TECTB: variants seen among roughly 807,000 people sequenced by gnomAD.
The protein encoded by TECTB is tectorin beta.
A neutral mutation model predicts 43.3 loss-of-function variants in TECTB; 45 were observed. The ratio of observed to expected loss-of-function variants is 1.04; its 90% CI spans 0.82 to 1.33. The LOEUF (loss-of-function observed/expected upper bound fraction) is 1.33. TECTB is among the 40% of genes most tolerant of loss of function. TECTB has a pLI of 0.00. For missense variants in TECTB, 399 were observed against 404.7 expected (o/e 0.99, Z 0.12); for synonymous variants, 169 against 156.7 (o/e 1.08, Z -0.59).
At chr10:112,301,118 T>C (rs1275841900) in intron 9 of TECTB, among the ~76,000 whole-genome samples, 4 of 152,244 alleles carry the variant, frequency 2.6e-5, no homozygotes, top group African/African-American at 4.8e-5. Context: ...TTTCGTGACA[T>C]GTAGAAATTA....
intron 9 of TECTB, 94 bp downstream of exon 9, chr10:112,299,658 T>G: frequency 7.1e-7 from 1 of 1,416,488 alleles, no homozygotes; most frequent in Non-Finnish European, 9.9e-7. Flanking sequence ...TTTACTGAAT[T>G]GCCAAACCAG....
At chr10:112,293,046 T>G (rs1035658578) in intron 5 of TECTB, among the ~76,000 whole-genome samples, 4 of 152,336 alleles carry the variant, frequency 2.6e-5, no homozygotes, top group African/African-American at 9.6e-5. Flanking sequence ...ATCTTCCTTA[T>G]CCCACTCTGC....
chr10:112,301,998 G>T, intron 9 of TECTB, 103 bp from the exon 10 acceptor site: 1 of 1,391,002 alleles, frequency 7.2e-7, no homozygotes, highest in Non-Finnish European at 1.0e-6. Flanking sequence ...AGTGTGAGCC[G>T]CAGCCCCCAG....
intron 9 of TECTB, among the ~76,000 whole-genome samples, chr10:112,299,925 G>C (rs1173788982): frequency 1.3e-5 from 2 of 152,198 alleles, no homozygotes; most frequent in East Asian, 3.9e-4. Context: ...CACTTTGGGA[G>C]GCCGAGGTGG....
intron 5 of TECTB, among the ~76,000 whole-genome samples, chr10:112,292,593 G>A (rs1848508355): frequency 6.6e-6 from 1 of 151,974 alleles, no homozygotes; most frequent in Non-Finnish European, 1.5e-5. Context: ...ACAGATGCCT[G>A]CCACCACACC....
In TECTB at chr10:112,286,084, T is replaced by C; in HGVS notation, c.281T>C (p.Ile94Thr). 6.2e-7 allele frequency: 1 copy of C among 1,614,092 alleles called. No homozygotes were observed. The highest frequency in any genetic ancestry group is 1.1e-5 in the South Asian group (1 of 91,088). The change falls in exon 4 of 11, where the codon ATC (isoleucine) becomes ACC (threonine). Residue 94 changes from isoleucine (I) to threonine (T), a missense_variant. Physicochemically the swap from Ile to Thr is moderately conservative, Grantham distance 89. Coordinates refer to ENST00000646139, the MANE Select transcript of TECTB (RefSeq NM_058222.3). ...TTCTTTGTCCAGTACAAGCCACCTA[T>C]CTATCACTTCTACAGTCACATCGTT... ...CGTQSEYKPP[I>T]YHFYSHIVSN...
chr10:112,284,475 G>C (rs938763760), intron 2 of TECTB, 60 bp from the exon 3 acceptor site: 3 of 1,445,298 alleles, frequency 2.1e-6, no homozygotes, highest in Non-Finnish European at 2.8e-6. Flanking sequence ...TCCACTGTTC[G>C]TTACGTAGGT....
chr10:112,298,164 A>G lies in TECTB; in HGVS notation c.767A>G (p.Lys256Arg). The change falls in exon 8 of 11, where the codon AAA becomes AGA. Residue 256 changes from lysine to arginine, a missense_variant. By Grantham distance (26) the Lys-to-Arg change is conservative. Transcript: ENST00000646139. ...GCTTTCCGGTTCCAGAACATCCCCA[A>G]ACTCTCCAAGGTGTGGTTACACTGT... ...FNAFRFQNIPKLSKVWLHCET... is the reference protein window; with the variant it reads ...FNAFRFQNIPRLSKVWLHCET... The G allele has an allele frequency of 6.2e-7, 1 of 1,614,176 alleles. No individual in the cohort carries two copies. Among genetic ancestry groups the G allele is most frequent in the Non-Finnish European group, 8.5e-7 (1 of 1,180,014 alleles).
intron 10 of TECTB, 91 bp from the exon 11 acceptor site, chr10:112,303,172 T>C: frequency 1.6e-5 from 23 of 1,473,282 alleles, no homozygotes; most frequent in Non-Finnish European, 2.2e-5. Context: ...TGGAATTTTA[T>C]GAAGACCCCT....
intron 7 of TECTB, 139 bp downstream of exon 7, chr10:112,294,200 G>T: frequency 1.4e-6 from 1 of 715,626 alleles, no homozygotes. Flanking sequence ...GTGGTTCCAG[G>T]CAAAGAACAA....
chr10:112,292,172 C>T (rs1333198833), intron 5 of TECTB, among the ~76,000 whole-genome samples: 2 of 151,432 alleles, frequency 1.3e-5, no homozygotes, highest in Admixed American at 1.3e-4. Context: ...AGCTAATCCA[C>T]AGAGCAGTTC....
intron 9 of TECTB, among the ~76,000 whole-genome samples, chr10:112,300,301 A>AAGAAAGAAAGAAAG (rs1848596833): frequency 8.3e-6 from 1 of 120,262 alleles, no homozygotes; most frequent in African/African-American, 3.2e-5. Context: ...GAAAGAAAGA[A>AAGAAAGAAAGAAAG]AGAAAGAAAG....
At chr10:112,299,457 C>G in intron 8 of TECTB, 35 bp from the exon 9 acceptor site, 1 of 1,610,992 alleles carries the variant, frequency 6.2e-7, no homozygotes, top group Non-Finnish European at 8.5e-7. Context: ...CCCACCTTCC[C>G]CGCTTCTCTC....
Position 112,292,647 on chromosome 10 carries a change from T to C in TECTB, c.484-1091T>C, listed in dbSNP as rs189218442. On this transcript the variant is annotated intron_variant, in intron 5 of 10. Coordinates refer to ENST00000646139, the MANE Select transcript of TECTB (RefSeq NM_058222.3). The stretch of plus-strand genomic sequence containing the variant: ...TTAACAGGGACAGGGTTTCGTCATG[T>C]TGGCCAGGCTAGTCTCGAACTTGTG... Among the ~76,000 whole-genome samples, 135 of 152,306 alleles carry C rather than the reference T, an allele frequency of 8.9e-4. 1 individual carries two copies. Among genetic ancestry groups the C allele is most frequent in the African/African-American group, 3.0e-3 (124 of 41,564 alleles).
intron 5 of TECTB, among the ~76,000 whole-genome samples, chr10:112,287,505 C>T (rs943264): frequency 0.91 from 138,197 of 152,302 alleles, 62,905 homozygotes; most frequent in East Asian, 1. Context: ...AAAGGCATCA[C>T]GTCCAACCCA....
At chr10:112,288,765 G>A (rs1169636408) in intron 5 of TECTB, among the ~76,000 whole-genome samples, 1 of 152,152 alleles carries the variant, frequency 6.6e-6, no homozygotes, top group African/African-American at 2.4e-5. Context: ...CAAATGCTGG[G>A]CTCTAAAAGC....
intron 8 of TECTB, among the ~76,000 whole-genome samples, chr10:112,298,745 C>T (rs908089772): frequency 1.1e-4 from 16 of 152,188 alleles, no homozygotes; most frequent in African/African-American, 3.9e-4. Context: ...GATTTGACCA[C>T]GTGAGAGGAA....
intron 5 of TECTB, among the ~76,000 whole-genome samples, chr10:112,292,029 G>T (rs962915262): frequency 6.6e-6 from 1 of 151,894 alleles, no homozygotes; most frequent in Non-Finnish European, 1.5e-5. Context: ...GCAGCTACTC[G>T]GGATGCTGAG....
intron 5 of TECTB, among the ~76,000 whole-genome samples, chr10:112,286,635 T>C (rs1470558855): frequency 1.3e-5 from 2 of 152,140 alleles, no homozygotes; most frequent in African/African-American, 4.8e-5. Flanking sequence ...ATACCAACCT[T>C]CTGGCCAGGC....
Sources: gnomAD v4.1 joint callset for allele counts (sites outside exome capture counted in the v4.1 genomes callset) on GRCh38, gnomAD v4.1.1 for gene constraint, MANE v1.5 for transcripts, NCBI Gene and HGNC (gene_info 2026-07-23, HGNC 2026-07-21) for gene names.